The following PPP3R1 variants were observed in gnomAD, a reference collection of about 807,000 sequenced individuals.
PPP3R1 encodes the protein calcineurin subunit B type 1.
PPP3R1 carries 5 observed loss-of-function variants against 22.6 expected under a neutral mutation model. The ratio of observed to expected loss-of-function variants is 0.22; its 90% CI spans 0.12 to 0.46. The LOEUF is 0.46. PPP3R1 is among the 20% of genes least tolerant of loss of function. The probability of loss-of-function intolerance (pLI) is 0.99; values close to 1 mark genes in which losing one functional copy is unlikely to be tolerated. For missense variants in PPP3R1, 61 were observed against 203.2 expected, an observed-to-expected ratio of 0.30 and a Z score of 4.25; for synonymous variants, 56 against 65.2, an observed-to-expected ratio of 0.86 and a Z score of 0.68.
At chr2:68,223,161 G>A (rs1215199793) in intron 1 of PPP3R1, among the ~76,000 whole-genome samples, 1 of 152,166 alleles carries the variant, frequency 6.6e-6, no homozygotes, top group Non-Finnish European at 1.5e-5. Flanking sequence ...TTGGGGGGCT[G>A]AGGCAGGAGT....
At chr2:68,212,053 A>C (rs1669497880) in intron 2 of PPP3R1, among the ~76,000 whole-genome samples, 3 of 152,190 alleles carry the variant, frequency 2.0e-5, no homozygotes, top group African/African-American at 7.2e-5. Context: ...AATTAATGGC[A>C]AATCTATAAT....
chr2:68,236,574 A>T lies in PPP3R1; in HGVS notation c.3+15551T>A, dbSNP rs1255249308. Among the ~76,000 whole-genome samples, 4 of 152,290 alleles carry T rather than the reference A, an allele frequency of 2.6e-5. No individual in the cohort carries two copies. The East Asian group carries it at 7.7e-4, about 29-fold the overall frequency. ...AAAATTTTTGGTGAGGAGAATGACA[A>T]CATGAGGGGATAGCTATGTACTGGT... On this transcript the variant is annotated intron_variant, in intron 1 of 5. Transcript: ENST00000234310.
chr2:68,224,802 G>GA (rs1002882764), intron 1 of PPP3R1, among the ~76,000 whole-genome samples: 4 of 151,738 alleles, frequency 2.6e-5, no homozygotes, highest in Admixed American at 6.6e-5. Context: ...ATTAAATGGG[G>GA]AAAAAAAATC....
chr2:68,202,600 T>G (rs1380629241), intron 2 of PPP3R1, among the ~76,000 whole-genome samples: 1 of 150,316 alleles, frequency 6.7e-6, no homozygotes, highest in Non-Finnish European at 1.5e-5. Flanking sequence ...AATTTTTCTA[T>G]TTTTAGTAGA....
chr2:68,232,882 T>C (rs1002329445), intron 1 of PPP3R1, among the ~76,000 whole-genome samples: 3 of 152,096 alleles, frequency 2.0e-5, no homozygotes, highest in Non-Finnish European at 2.9e-5. Flanking sequence ...GCTGGGATTA[T>C]AGGCTTGAGC....
chr2:68,194,271 T>C (rs1156568507), intron 2 of PPP3R1, among the ~76,000 whole-genome samples: 1 of 152,166 alleles, frequency 6.6e-6, no homozygotes, highest in African/African-American at 2.4e-5. Context: ...GAAAACAGAC[T>C]GTTGAGACTT....
At chr2:68,187,734 A>G (rs1348101667) in intron 3 of PPP3R1, among the ~76,000 whole-genome samples, 1 of 152,218 alleles carries the variant, frequency 6.6e-6, no homozygotes, top group Non-Finnish European at 1.5e-5. Context: ...GTTTCATGAC[A>G]AATGATCATT....
At chr2:68,221,070 G>A (rs566891294) in intron 1 of PPP3R1, among the ~76,000 whole-genome samples, 34 of 151,952 alleles carry the variant, frequency 2.2e-4, no homozygotes, top group African/African-American at 8.2e-4. Flanking sequence ...GGTGGCTCAC[G>A]CCTGTAATCC....
At chr2:68,220,024 TAAAAAAAACTAGTAA>T (rs777413115) in intron 1 of PPP3R1, among the ~76,000 whole-genome samples, 3 of 151,940 alleles carry the variant, frequency 2.0e-5, no homozygotes, top group Admixed American at 6.6e-5. Context: ...TGACCAGTGT[TAAAAAAAACTAGTAA>T]ATCAGAAAAA....
intron 2 of PPP3R1, among the ~76,000 whole-genome samples, chr2:68,195,661 T>C (rs569608035): frequency 7.6e-4 from 116 of 152,262 alleles, no homozygotes; most frequent in Non-Finnish European, 1.4e-3. Flanking sequence ...TTCCCGTCTT[T>C]CTTTCTACAT....
intron 1 of PPP3R1, among the ~76,000 whole-genome samples, chr2:68,223,311 G>T (rs147853612): frequency 4.6e-5 from 7 of 152,152 alleles, no homozygotes; most frequent in Non-Finnish European, 1.0e-4. Flanking sequence ...CAGAAGAATC[G>T]CTTGAACCTG....
At chr2:68,249,431 A>G (rs186035716) in intron 1 of PPP3R1, among the ~76,000 whole-genome samples, 28 of 152,214 alleles carry the variant, frequency 1.8e-4, no homozygotes, top group African/African-American at 6.8e-4. Flanking sequence ...AGATAAAAAA[A>G]AATTTAAAAG....
chr2:68,216,281 A>G (rs898098124), intron 2 of PPP3R1, among the ~76,000 whole-genome samples: 7 of 152,144 alleles, frequency 4.6e-5, no homozygotes, highest in Non-Finnish European at 1.5e-5. Flanking sequence ...TTAAGCTTCT[A>G]TCAAAGATAT....
At chr2:68,202,792 A>ATTT (rs71395958) in intron 2 of PPP3R1, among the ~76,000 whole-genome samples, 6,067 of 81,112 alleles carry the variant, frequency 0.075, 1,062 homozygotes, top group Non-Finnish European at 0.083. Flanking sequence ...AGTTCAGGGA[A>ATTT]TTTTTTTTTT....
intron 4 of PPP3R1, 134 bp downstream of exon 4, chr2:68,187,120 AG>A (rs1225688558): frequency 7.4e-6 from 5 of 677,396 alleles, no homozygotes; most frequent in Non-Finnish European, 1.2e-5. Context: ...GATTTTCACC[AG>A]AATGTAAAAT....
Position 68,198,394 on chromosome 2 carries a change from T to TGTATATATGTATATACATATATAC in PPP3R1, c.44-9705_44-9704insGTATATATGTATATACATATATAC. Among the ~76,000 whole-genome samples, 4 of 113,726 alleles carry TGTATATATGTATATACATATATAC rather than the reference T, an allele frequency of 3.5e-5. 1 individual carries two copies. Among genetic ancestry groups the TGTATATATGTATATACATATATAC allele is most frequent in the African/African-American group, 1.6e-4 (4 of 25,118 alleles). 74.6% of individuals were successfully genotyped at this position (113,726 alleles called of 152,430 possible). A position where few individuals can be genotyped will look rare whatever the true frequency, so the allele number is the denominator to read the frequency against. ...ATGTACATGTATATGCATATATATG[T>TGTATATATGTATATACATATATAC]ATATATATGTGTATGTATATGCATA... On this transcript the variant is annotated intron_variant, in intron 2 of 5. Transcript: ENST00000234310.
intron 2 of PPP3R1, among the ~76,000 whole-genome samples, chr2:68,203,703 G>A (rs1462986089): frequency 6.6e-6 from 1 of 152,010 alleles, no homozygotes; most frequent in East Asian, 1.9e-4. Flanking sequence ...TCCCTGAGAC[G>A]AATGTGATTA....
chr2:68,203,535 A>G (rs1420577621), intron 2 of PPP3R1, among the ~76,000 whole-genome samples: 1 of 151,848 alleles, frequency 6.6e-6, no homozygotes, highest in African/African-American at 2.4e-5. Context: ...CAGGAGGCAG[A>G]GGTTGCAGTG....
chr2:68,236,480 G>A (rs1375371), intron 1 of PPP3R1, among the ~76,000 whole-genome samples: 113,280 of 152,106 alleles, frequency 0.74, 43,220 homozygotes, highest in African/African-American at 0.93. Context: ...GCTATGCTCC[G>A]CTTGAAAGAG....
Sources: allele counts gnomAD v4.1 joint callset (sites outside exome capture counted in the v4.1 genomes callset), GRCh38; gene constraint gnomAD v4.1.1; transcripts MANE v1.5; gene names NCBI Gene and HGNC (gene_info 2026-07-23, HGNC 2026-07-21).